DCUN1D3: variants seen among roughly 807,000 people sequenced by gnomAD.
The protein encoded by DCUN1D3 is DCN1-like protein 3.
In DCUN1D3, 6 loss-of-function variants were observed where a neutral mutation model predicts 24.8. The ratio of observed to expected loss-of-function variants is 0.24; its 90% CI spans 0.13 to 0.48. The LOEUF (loss-of-function observed/expected upper bound fraction) is 0.48. DCUN1D3 is among the 20% of genes least tolerant of loss of function. The pLI is 0.99. For synonymous variants in DCUN1D3, 120 were observed against 144.9 expected, an observed-to-expected ratio of 0.83 and a Z score of 1.24; for missense variants, 258 against 379.4, an observed-to-expected ratio of 0.68 and a Z score of 2.66.
intron 1 of DCUN1D3, among the ~76,000 whole-genome samples, chr16:20,886,245 G>A (rs2081867809): frequency 6.6e-6 from 1 of 152,076 alleles, no homozygotes; most frequent in African/African-American, 2.4e-5. Flanking sequence ...CTGAAATCGG[G>A]ACCTGCTCAG....
Position 20,860,429 on chromosome 16 carries a change from T to G in DCUN1D3, c.432-60A>C. ...TAAACTATACTATTTACAGGCAATA[T>G]ACATAGTGATTAAGAGCAAGGCTTT... is the stretch of plus-strand genomic sequence containing the variant. On this transcript the variant is annotated intron_variant, in intron 2 of 2. Transcript: ENST00000324344. The surrounding 1 kb of genome is among the most constrained non-coding windows in gnomAD (Gnocchi z 4.3). The G allele has an allele frequency of 2.0e-6, 3 of 1,517,626 alleles. No homozygotes were observed. The South Asian group carries it at 3.9e-5, about 20-fold the overall frequency. The allele number at this position is 1,517,626 out of a possible 1,614,324, so 94.0% of individuals were successfully genotyped here. A position where few individuals can be genotyped will look rare whatever the true frequency, so the allele number is the denominator to read the frequency against.
At chr16:20,895,629 A>G (rs974651635) in intron 1 of DCUN1D3, among the ~76,000 whole-genome samples, 2 of 152,204 alleles carry the variant, frequency 1.3e-5, no homozygotes, top group East Asian at 3.9e-4. Flanking sequence ...CTAGTTTGTA[A>G]TTATTCACTG....
chr16:20,876,389 A>T (rs1252474735), intron 1 of DCUN1D3, among the ~76,000 whole-genome samples: 1 of 152,140 alleles, frequency 6.6e-6, no homozygotes, highest in African/African-American at 2.4e-5. Context: ...AATGTAAATA[A>T]AAGCCACAAC....
intron 1 of DCUN1D3, among the ~76,000 whole-genome samples, chr16:20,898,566 T>A (rs541004063): frequency 6.6e-6 from 1 of 152,344 alleles, no homozygotes; most frequent in Non-Finnish European, 1.5e-5. Context: ...ATTCTTCTGT[T>A]GTATTTTTGT....
intron 2 of DCUN1D3, among the ~76,000 whole-genome samples, 177 bp downstream of exon 2, chr16:20,861,931 A>G (rs1448833295): frequency 2.6e-5 from 4 of 152,180 alleles, no homozygotes; most frequent in African/African-American, 9.7e-5. Flanking sequence ...GCTTCTCAGC[A>G]TCATAACCAC....
chr16:20,863,897 G>A (rs1387068307), intron 1 of DCUN1D3, among the ~76,000 whole-genome samples: 1 of 152,212 alleles, frequency 6.6e-6, no homozygotes, highest in African/African-American at 2.4e-5. Flanking sequence ...AATAAATGGT[G>A]CTGGGATAAC....
At chr16:20,891,375 G>A (rs531027624) in intron 1 of DCUN1D3, among the ~76,000 whole-genome samples, 110 of 152,290 alleles carry the variant, frequency 7.2e-4, no homozygotes, top group African/African-American at 2.6e-3. Flanking sequence ...TAACTGTTCC[G>A]TTTGGATAGC....
intron 1 of DCUN1D3, among the ~76,000 whole-genome samples, chr16:20,872,942 C>T (rs1026734032): frequency 1.3e-5 from 2 of 152,090 alleles, no homozygotes; most frequent in South Asian, 2.1e-4. Flanking sequence ...ATGGTGAAAC[C>T]CCGTCTCTAC....
At chr16:20,867,274 A>G (rs1250182296) in intron 1 of DCUN1D3, among the ~76,000 whole-genome samples, 1 of 152,090 alleles carries the variant, frequency 6.6e-6, no homozygotes, top group East Asian at 1.9e-4. Context: ...ACCGGCCCCA[A>G]GTTCAGGAGT....
chr16:20,889,596 T>C (rs2081882573), intron 1 of DCUN1D3, among the ~76,000 whole-genome samples: 1 of 152,178 alleles, frequency 6.6e-6, no homozygotes, highest in African/African-American at 2.4e-5. Flanking sequence ...TTGTTAATTA[T>C]CATTTAAATC....
chr16:20,882,646 T>G (rs935611010), intron 1 of DCUN1D3, among the ~76,000 whole-genome samples: 4 of 152,116 alleles, frequency 2.6e-5, no homozygotes, highest in Admixed American at 1.3e-4. Flanking sequence ...AATAAAGTCC[T>G]TAAGAGCAAG....
chr16:20,897,521 A>T (rs1423773405), intron 1 of DCUN1D3, among the ~76,000 whole-genome samples: 2 of 152,192 alleles, frequency 1.3e-5, no homozygotes, highest in Non-Finnish European at 2.9e-5. Context: ...CAAGAGTGGA[A>T]CTATTGCAAC....
rs2081702270 is a variant in DCUN1D3 at position 20,856,225 on chromosome 16, A to G, written c.*3661T>C. ...TAATGGCAATACATTAAGTATGGCA[A>G]AAACTTACTTTTGCACCAACCTAAC... is the stretch of plus-strand genomic sequence containing the variant. On this transcript the variant is annotated 3_prime_UTR_variant, in exon 3 of 3. Transcript: ENST00000324344. 6.6e-6 allele frequency: 1 copy of G among 152,178 alleles called. No individual in the cohort carries two copies. Among genetic ancestry groups the G allele is most frequent in the South Asian group, 2.1e-4 (1 of 4,820 alleles). The allele number at this position is 152,178 out of a possible 1,614,324, so 9.4% of individuals were successfully genotyped here.
intron 1 of DCUN1D3, among the ~76,000 whole-genome samples, chr16:20,874,810 T>G (rs185215872): frequency 6.6e-6 from 1 of 152,106 alleles, no homozygotes; most frequent in East Asian, 1.9e-4. Flanking sequence ...GGCCCCAAGG[T>G]TTAGGCTTTG....
rs1163088516 is a variant in DCUN1D3 at position 20,856,108 on chromosome 16, T to G, written c.*3778A>C. ...AACTGAGTCTACACCTTTTGGGCTT[T>G]GCTGCACTGAAGACCTCATTTGGAA... On this transcript the variant is annotated 3_prime_UTR_variant, in exon 3 of 3. Coordinates refer to ENST00000324344, the MANE Select transcript of DCUN1D3 (RefSeq NM_173475.4). 8.5e-5 allele frequency: 13 copies of G among 152,230 alleles called. No homozygotes were observed. The highest frequency in any genetic ancestry group is 1.6e-4 in the Non-Finnish European group (11 of 68,050). The allele number at this position is 152,230 out of a possible 1,614,324, so 9.4% of individuals were successfully genotyped here.
At chr16:20,892,916 T>G (rs1297204854) in intron 1 of DCUN1D3, among the ~76,000 whole-genome samples, 1 of 152,222 alleles carries the variant, frequency 6.6e-6, no homozygotes, top group Non-Finnish European at 1.5e-5. Context: ...CTACCATTAA[T>G]AACCTCGCTT....
In DCUN1D3 at chr16:20,857,224, G is replaced by C. The variant is rs982686923; in HGVS notation, c.*2662C>G. On this transcript the variant is annotated 3_prime_UTR_variant, in exon 3 of 3. Coordinates refer to ENST00000324344, the MANE Select transcript of DCUN1D3 (RefSeq NM_173475.4). ...GAGCATCAAGTACTCAAACTTGAAAGGAACTTGTAAGTCCCTCCCTGACTG... is the reference window on the plus strand; with the variant it reads ...GAGCATCAAGTACTCAAACTTGAAACGAACTTGTAAGTCCCTCCCTGACTG... 6.6e-6 allele frequency: 1 copy of C among 152,192 alleles called. No homozygotes were observed. The highest frequency in any genetic ancestry group is 2.4e-5 in the African/African-American group (1 of 41,442). The allele number at this position is 152,192 out of a possible 1,614,324, so 9.4% of individuals were successfully genotyped here.
Position 20,860,249 on chromosome 16 carries a change from C to A in DCUN1D3, c.552G>T (p.Arg184=). The A allele has an allele frequency of 1.2e-6, 2 of 1,614,232 alleles. No homozygotes were observed. The highest frequency in any genetic ancestry group is 1.7e-6 in the Non-Finnish European group (2 of 1,180,050). The part of the protein sequence containing the change: ...KQEDKFKDLY[R]FTFQFGLDSE... ...AGTCCAGGCCAAACTGAAATGTAAA[C>A]CGGTAGAGATCCTTGAATTTATCCT... is the stretch of plus-strand genomic sequence containing the variant. Residue 184 remains arginine, a synonymous_variant, in exon 3 of 3, where the codon CGG becomes CGT. Transcript: ENST00000324344. The surrounding 1 kb of genome is among the most constrained non-coding windows in gnomAD (Gnocchi z 4.3).
Position 20,860,251 on chromosome 16 carries a change from G to T in DCUN1D3, c.550C>A (p.Arg184=), listed in dbSNP as rs1159614585. 1.9e-6 allele frequency: 3 copies of T among 1,614,186 alleles called. No individual in the cohort carries two copies. Among genetic ancestry groups the T allele is most frequent in the Non-Finnish European group, 2.5e-6 (3 of 1,180,040 alleles). Residue 184 remains arginine, a synonymous_variant, in exon 3 of 3, where the codon CGG becomes AGG. Transcript: ENST00000324344. The surrounding 1 kb of genome is among the most constrained non-coding windows in gnomAD (Gnocchi z 4.3). ...KQEDKFKDLY[R]FTFQFGLDSE... ...TCCAGGCCAAACTGAAATGTAAACCGGTAGAGATCCTTGAATTTATCCTCT... is the reference window on the plus strand; with the variant it reads ...TCCAGGCCAAACTGAAATGTAAACCTGTAGAGATCCTTGAATTTATCCTCT...
Sources: allele counts gnomAD v4.1 joint callset (sites outside exome capture counted in the v4.1 genomes callset), GRCh38; gene constraint gnomAD v4.1.1; non-coding constraint Gnocchi (gnomAD v3.1); transcripts MANE v1.5; gene names NCBI Gene and HGNC (gene_info 2026-07-23, HGNC 2026-07-21).